The following HUNK variants were observed in gnomAD, a reference collection of about 807,000 sequenced individuals.
The protein encoded by HUNK is hormonally up-regulated Neu-associated kinase.
A neutral mutation model predicts 61.0 loss-of-function variants in HUNK; 21 were observed. The observed-to-expected ratio is 0.34, with a 90% confidence interval of 0.24 to 0.50. The LOEUF (loss-of-function observed/expected upper bound fraction) is 0.50, where lower values mean the gene tolerates loss of function less well. Among genes scored for constraint, HUNK ranks in the 20% least tolerant of loss-of-function variants. HUNK has a pLI of 0.98. For missense variants in HUNK, 772 were observed against 945.7 expected (o/e 0.82, Z 2.41); for synonymous variants, 371 against 386.1 (o/e 0.96, Z 0.46).
intron 9 of HUNK, among the ~76,000 whole-genome samples, chr21:31,990,640 A>G (rs1262200734): frequency 1.3e-5 from 2 of 151,856 alleles, no homozygotes; most frequent in South Asian, 2.1e-4. Context: ...GGTTCAAGCA[A>G]TTCTCCGGCC....
At chr21:31,918,125 T>A (rs1263637499) in intron 1 of HUNK, among the ~76,000 whole-genome samples, 1 of 152,220 alleles carries the variant, frequency 6.6e-6, no homozygotes, top group Non-Finnish European at 1.5e-5. Flanking sequence ...CCATTCATTT[T>A]TTTTCCCCAT....
intron 4 of HUNK, among the ~76,000 whole-genome samples, chr21:31,958,534 AG>A (rs1366523547): frequency 6.6e-6 from 1 of 152,118 alleles, no homozygotes; most frequent in East Asian, 1.9e-4. Context: ...GTAGCACAGC[AG>A]CGAGATAGTG....
intron 1 of HUNK, among the ~76,000 whole-genome samples, chr21:31,884,361 G>GT (rs2052330813): frequency 6.6e-6 from 1 of 152,146 alleles, no homozygotes; most frequent in Non-Finnish European, 1.5e-5. Context: ...GGAGGGCGAG[G>GT]TGGGTGGATC....
chr21:31,905,925 G>C (rs1781839256), intron 1 of HUNK, among the ~76,000 whole-genome samples: 1 of 152,158 alleles, frequency 6.6e-6, no homozygotes, highest in Non-Finnish European at 1.5e-5. Flanking sequence ...AGCGGGCCTG[G>C]GGCTGGGAGG....
rs747883843 is a variant in HUNK at position 31,940,123 on chromosome 21, C to T, written c.555-42C>T. On this transcript the variant is annotated intron_variant, in intron 2 of 10. Transcript: ENST00000270112. ...GAAGCAAAATGTAATTCCATTATTTCGAATGCTTATCTGAAATGCTGTGTG... is the reference window on the plus strand; with the variant it reads ...GAAGCAAAATGTAATTCCATTATTTTGAATGCTTATCTGAAATGCTGTGTG... 2.2e-5 allele frequency: 32 copies of T among 1,488,298 alleles called. No individual in the cohort carries two copies. The Middle Eastern group carries it at 5.1e-4, about 24-fold the overall frequency. The allele number at this position is 1,488,298 out of a possible 1,614,324, so 92.2% of individuals were successfully genotyped here. A position where few individuals can be genotyped will look rare whatever the true frequency, so the allele number is the denominator to read the frequency against.
chr21:31,984,776 C>A (rs1335825756), intron 8 of HUNK, among the ~76,000 whole-genome samples: 8 of 152,158 alleles, frequency 5.3e-5, no homozygotes, highest in Non-Finnish European at 1.0e-4. Context: ...CCCTCTGGAG[C>A]CTGTTTATGT....
At chr21:31,958,275 C>T (rs868860601) in intron 4 of HUNK, among the ~76,000 whole-genome samples, 3 of 149,728 alleles carry the variant, frequency 2.0e-5, no homozygotes, top group South Asian at 4.4e-4. Flanking sequence ...TTCAAGTGCT[C>T]TCACCCAAGA....
At chr21:31,892,163 AT>A (rs201310140) in intron 1 of HUNK, among the ~76,000 whole-genome samples, 2,026 of 84,592 alleles carry the variant, frequency 0.024, 21 homozygotes, top group East Asian at 0.079. Flanking sequence ...AAAAAAAAAA[AT>A]ATATATATAT....
chr21:31,888,073 T>G (rs1249282538), intron 1 of HUNK, among the ~76,000 whole-genome samples: 2 of 152,170 alleles, frequency 1.3e-5, no homozygotes, highest in East Asian at 3.9e-4. Context: ...ACTGTTGTCC[T>G]GATTTTGCAG....
chr21:31,926,164 C>T (rs1276320496), intron 2 of HUNK, among the ~76,000 whole-genome samples: 1 of 152,128 alleles, frequency 6.6e-6, no homozygotes, highest in Admixed American at 6.5e-5. Context: ...GTGATCCGCC[C>T]TCCTCGGCCT....
At chr21:31,915,456 A>G (rs1003940228) in intron 1 of HUNK, among the ~76,000 whole-genome samples, 44 of 152,218 alleles carry the variant, frequency 2.9e-4, no homozygotes, top group Non-Finnish European at 5.7e-4. Context: ...AAGTGCTTTG[A>G]TTAAGGAAAG....
intron 9 of HUNK, among the ~76,000 whole-genome samples, chr21:31,993,973 G>T (rs932462097): frequency 1.3e-5 from 2 of 152,200 alleles, no homozygotes; most frequent in Non-Finnish European, 2.9e-5. Flanking sequence ...GTGGTGTCAA[G>T]TCAAGGGTTG....
At chr21:31,968,108 G>A in intron 5 of HUNK, 142 bp from the exon 6 acceptor site, 1 of 971,994 alleles carries the variant, frequency 1.0e-6, no homozygotes, top group Non-Finnish European at 1.5e-6. Context: ...TCGGAACCCT[G>A]CCCAGAGACC....
intron 1 of HUNK, among the ~76,000 whole-genome samples, chr21:31,907,705 A>T (rs2052515810): frequency 6.6e-6 from 1 of 152,102 alleles, no homozygotes; most frequent in African/African-American, 2.4e-5. Flanking sequence ...AGTGGTGAGG[A>T]TGGGCCGGGC....
Position 32,003,541 on chromosome 21 carries a change from T to A in HUNK, c.*4357T>A, listed in dbSNP as rs137961027. Reference sequence around the variant, plus strand: ...TTTATTTTCTTTGTGGGGTCTTCTGTGAGCTACAGGCACAGTAAGAATAAT... The same window carrying A: ...TTTATTTTCTTTGTGGGGTCTTCTGAGAGCTACAGGCACAGTAAGAATAAT... On this transcript the variant is annotated 3_prime_UTR_variant, in exon 11 of 11. Transcript: ENST00000270112. 468 of 152,318 alleles carry A rather than the reference T, an allele frequency of 3.1e-3. 3 individuals are homozygous for A. The highest frequency in any genetic ancestry group is 0.011 in the African/African-American group (446 of 41,572). The allele number at this position is 152,318 out of a possible 1,614,324, so 9.4% of individuals were successfully genotyped here.
chr21:31,939,984 G>A (rs1481232054), intron 2 of HUNK, among the ~76,000 whole-genome samples, 181 bp from the exon 3 acceptor site: 2 of 151,990 alleles, frequency 1.3e-5, no homozygotes, highest in African/African-American at 4.8e-5. Context: ...ATAGTCTACA[G>A]CAATTAATTA....
At chr21:31,982,669 GC>G (rs2053105775) in intron 7 of HUNK, among the ~76,000 whole-genome samples, 1 of 152,164 alleles carries the variant, frequency 6.6e-6, no homozygotes. Context: ...ACCTTCCTCA[GC>G]TTAGGTGCAG....
At chr21:31,962,112 C>T (rs114600420) in intron 5 of HUNK, among the ~76,000 whole-genome samples, 81 of 152,284 alleles carry the variant, frequency 5.3e-4, no homozygotes, top group African/African-American at 1.7e-3. Flanking sequence ...GAAGTTCTTT[C>T]GCCAGCAATT....
intron 4 of HUNK, among the ~76,000 whole-genome samples, chr21:31,950,864 C>CA (rs2123835273): frequency 6.6e-6 from 1 of 152,140 alleles, no homozygotes; most frequent in Non-Finnish European, 1.5e-5. Flanking sequence ...AGTTCACTTC[C>CA]AAAAAAGCAA....
Sources: allele counts gnomAD v4.1 joint callset (sites outside exome capture counted in the v4.1 genomes callset), GRCh38; gene constraint gnomAD v4.1.1; transcripts MANE v1.5; gene names NCBI Gene and HGNC (gene_info 2026-07-23, HGNC 2026-07-21).